The following RANBP2 variants were observed in gnomAD, a reference collection of about 807,000 sequenced individuals.
RANBP2 encodes the protein RAN binding protein 2, also known as E3 SUMO-protein ligase RanBP2.
Under a neutral mutation model 303.6 loss-of-function variants are expected in RANBP2, and 57 were observed. The observed-to-expected ratio is 0.19, with a 90% CI of 0.15 to 0.23. RANBP2 has a LOEUF of 0.23. Ranked by LOEUF, RANBP2 falls within the 10% of genes least tolerant of loss-of-function variation. The probability of loss-of-function intolerance (pLI) is 1.00; values close to 1 mark genes in which losing one functional copy is unlikely to be tolerated. For synonymous variants in RANBP2, 1,167 were observed against 1,301.5 expected, an observed-to-expected ratio of 0.90 and a Z score of 2.23; for missense variants, 3,138 against 3,780.8, an observed-to-expected ratio of 0.83 and a Z score of 4.46.
At chr2:109,621,847 A>C in the RANBP2 span, among the ~76,000 whole-genome samples, 1 of 152,006 alleles carries the variant, frequency 6.6e-6, no homozygotes, top group Admixed American at 6.6e-5. Flanking sequence ...CGGGAGGCGG[A>C]GGTTGCAGTG....
the RANBP2 span, among the ~76,000 whole-genome samples, chr2:109,445,625 G>A: frequency 6.6e-6 from 1 of 152,106 alleles, no homozygotes. Flanking sequence ...ATGGGGGAAA[G>A]CTAATAAAGA....
chr2:109,501,527 A>G, the RANBP2 span: 1 of 779,088 alleles, frequency 1.3e-6, no homozygotes, highest in Non-Finnish European at 2.4e-6. Context: ...TCTCGTACCC[A>G]CCCCAGAGTG....
the RANBP2 span, chr2:108,873,506 C>T: frequency 6.2e-7 from 1 of 1,611,030 alleles, no homozygotes; most frequent in Non-Finnish European, 8.5e-7. Context: ...TTCGTACTTG[C>T]TCTGTGCTGC....
chr2:109,081,836 A>G, the RANBP2 span, among the ~76,000 whole-genome samples: 1 of 152,202 alleles, frequency 6.6e-6, no homozygotes, highest in Non-Finnish European at 1.5e-5. Flanking sequence ...CATCCTTGCT[A>G]TTCAGTTGCA....
the RANBP2 span, among the ~76,000 whole-genome samples, chr2:109,397,727 TGCCCCTCCCA>T: frequency 1.3e-5 from 2 of 152,186 alleles, no homozygotes; most frequent in Admixed American, 6.5e-5. Flanking sequence ...GTGCCTGGGC[TGCCCCTCCCA>T]GCCCCTCCAG....
the RANBP2 span, among the ~76,000 whole-genome samples, chr2:109,230,597 G>T: frequency 2.6e-5 from 4 of 152,126 alleles, no homozygotes; most frequent in African/African-American, 9.7e-5. Flanking sequence ...AAATAGGAAA[G>T]AAAAGAAACT....
the RANBP2 span, among the ~76,000 whole-genome samples, chr2:109,523,451 G>A: frequency 1.3e-5 from 2 of 152,084 alleles, no homozygotes; most frequent in Admixed American, 6.5e-5. Flanking sequence ...GCTTTCCCTG[G>A]TCCCACAGGG....
the RANBP2 span, among the ~76,000 whole-genome samples, chr2:109,651,621 C>T: frequency 6.6e-6 from 1 of 152,180 alleles, no homozygotes; most frequent in African/African-American, 2.4e-5. Context: ...CTAAAAGGAG[C>T]AGTCACCAGA....
the RANBP2 span, among the ~76,000 whole-genome samples, chr2:108,827,651 C>G: frequency 2.6e-5 from 4 of 151,986 alleles, no homozygotes; most frequent in East Asian, 7.8e-4. Flanking sequence ...CCCGTCTCTA[C>G]TAAAAATACA....
the RANBP2 span, among the ~76,000 whole-genome samples, chr2:109,333,883 T>C: frequency 6.6e-6 from 1 of 152,198 alleles, no homozygotes; most frequent in Non-Finnish European, 1.5e-5. Flanking sequence ...AATAATGATA[T>C]CACCAAAATA....
chr2:109,572,362 T>A, the RANBP2 span, among the ~76,000 whole-genome samples: 1 of 152,188 alleles, frequency 6.6e-6, no homozygotes, highest in Non-Finnish European at 1.5e-5. Flanking sequence ...CTCGATCTCC[T>A]GACCTTGTGA....
the RANBP2 span, among the ~76,000 whole-genome samples, chr2:109,081,294 A>C: frequency 0.22 from 33,782 of 152,056 alleles, 4,377 homozygotes; most frequent in Middle Eastern, 0.32. Context: ...TATTGATCGA[A>C]TTGAGTCCTA....
chr2:109,248,322 T>C, the RANBP2 span, among the ~76,000 whole-genome samples: 4 of 152,202 alleles, frequency 2.6e-5, no homozygotes, highest in Non-Finnish European at 5.9e-5. Context: ...TCCCCACCCT[T>C]GAAGCCATAC....
At chr2:108,979,486 C>T in the RANBP2 span, among the ~76,000 whole-genome samples, 1 of 152,012 alleles carries the variant, frequency 6.6e-6, no homozygotes, top group Non-Finnish European at 1.5e-5. Context: ...CACACACACA[C>T]ACACACACAC....
chr2:109,035,042 G>A, the RANBP2 span, among the ~76,000 whole-genome samples: 2 of 152,250 alleles, frequency 1.3e-5, no homozygotes, highest in South Asian at 2.1e-4. Context: ...AGCTATCCCT[G>A]GTTTGTGAGG....
the RANBP2 span, among the ~76,000 whole-genome samples, chr2:109,268,270 C>T: frequency 1.2e-3 from 175 of 151,882 alleles, no homozygotes; most frequent in African/African-American, 3.5e-3. Context: ...AAGTGAGGTG[C>T]GGCCCCTTCT....
At chr2:109,185,692 T>A in the RANBP2 span, among the ~76,000 whole-genome samples, 5 of 152,316 alleles carry the variant, frequency 3.3e-5, no homozygotes, top group African/African-American at 7.2e-5. Context: ...TGGCTCTTGG[T>A]GGAAAAGACG....
chr2:109,195,878 C>A, the RANBP2 span, among the ~76,000 whole-genome samples: 1 of 152,148 alleles, frequency 6.6e-6, no homozygotes, highest in African/African-American at 2.4e-5. Flanking sequence ...GAAGGTCTCT[C>A]GAATTTCCCT....
chr2:109,399,160 CGTG>C, the RANBP2 span, among the ~76,000 whole-genome samples: 1 of 152,048 alleles, frequency 6.6e-6, no homozygotes, highest in African/African-American at 2.4e-5. Context: ...AAGATGGCCT[CGTG>C]GTGTGTGAGC....
Sources: gnomAD v4.1 joint callset for allele counts (sites outside exome capture counted in the v4.1 genomes callset) on GRCh38, gnomAD v4.1.1 for gene constraint, MANE v1.5 for transcripts, NCBI Gene and HGNC (gene_info 2026-07-23, HGNC 2026-07-21) for gene names.